NSD1: variants seen among roughly 807,000 people sequenced by gnomAD.
NSD1 encodes nuclear receptor binding SET domain protein 1.
In NSD1, 26 loss-of-function variants were observed where a neutral mutation model predicts 242.7. That is an observed-to-expected ratio of 0.11 (90% CI 0.08 to 0.15). The LOEUF is 0.15. NSD1 is among the 10% of genes least tolerant of loss of function. The pLI is 1.00. For missense variants in NSD1, 2,495 were observed against 3,272.8 expected (o/e 0.76, Z 5.80); for synonymous variants, 1,106 against 1,178.1 (o/e 0.94, Z 1.25).
At chr5:177,145,896 G>A (rs1757200791) in intron 2 of NSD1, among the ~76,000 whole-genome samples, 1 of 115,328 alleles carries the variant, frequency 8.7e-6, no homozygotes, top group South Asian at 3.0e-4. Context: ...CTAGAAGAGC[G>A]AAACTCCATC....
Position 177,135,350 on chromosome 5 carries a change from A to G in NSD1, c.247A>G (p.Asn83Asp), listed in dbSNP as rs1397963241. The G allele has an allele frequency of 1.9e-6, 3 of 1,610,802 alleles. No homozygotes were observed. Among genetic ancestry groups the G allele is most frequent in the African/African-American group, 2.7e-5 (2 of 74,856 alleles). The change falls in exon 2 of 23, where the codon AAT becomes GAT. Residue 83 changes from asparagine (N) to aspartate (D), a missense_variant. This residue lies in a region of NSD1 where 376 missense variants were observed against 367.4 expected (regional missense o/e 1.02). Coordinates refer to ENST00000439151, the MANE Select transcript of NSD1 (RefSeq NM_022455.5). ...ACTACAGGATTTGGCCTCCATGATC[A>G]ATGTAGAGTATTTAAATGGGTCTGC... Reference protein sequence around the residue: ...RRLQDLASMINVEYLNGSADG... With the variant: ...RRLQDLASMIDVEYLNGSADG...
Position 177,285,587 on chromosome 5 carries a change from A to AAT in NSD1, c.6151+1659_6151+1660insAT, listed in dbSNP as rs1439631800. On this transcript the variant is annotated intron_variant, in intron 20 of 22. Coordinates refer to ENST00000439151, the MANE Select transcript of NSD1 (RefSeq NM_022455.5). ...TCAAAAAAAAAAAAAAAAAAAAAAA[A>AAT]TTTGTATAAACGTTGTACATTTTGA... Among the ~76,000 whole-genome samples, 235 of 149,182 alleles carry AAT rather than the reference A, an allele frequency of 1.6e-3. 2 individuals are homozygous for AAT. The highest frequency in any genetic ancestry group is 5.5e-3 in the African/African-American group (218 of 39,912).
At chr5:177,275,878 G>A (rs970286968) in intron 17 of NSD1, among the ~76,000 whole-genome samples, 1 of 152,168 alleles carries the variant, frequency 6.6e-6, no homozygotes, top group African/African-American at 2.4e-5. Flanking sequence ...CTTAGATTTA[G>A]TCTGATGGAC....
chr5:177,254,375 C>T (rs1450654439), intron 12 of NSD1, among the ~76,000 whole-genome samples: 1 of 152,090 alleles, frequency 6.6e-6, no homozygotes, highest in Non-Finnish European at 1.5e-5. Flanking sequence ...TTGCTTAACC[C>T]AGTGTCACAA....
intron 14 of NSD1, chr5:177,265,505 G>A: frequency 1.5e-6 from 1 of 677,714 alleles, no homozygotes; most frequent in Non-Finnish European, 2.6e-6. Flanking sequence ...GAGAGGAAGG[G>A]GGAGCCCCAC....
chr5:177,202,421 C>A (rs1427975708), intron 3 of NSD1, among the ~76,000 whole-genome samples: 1 of 151,956 alleles, frequency 6.6e-6, no homozygotes, highest in Non-Finnish European at 1.5e-5. Flanking sequence ...GCTGTACTGC[C>A]AGGGTGGAGT....
chr5:177,229,614 A>C (rs1018680885), intron 5 of NSD1, among the ~76,000 whole-genome samples: 1 of 152,210 alleles, frequency 6.6e-6, no homozygotes. Context: ...TAGTAAGAGT[A>C]GGTGAATTCT....
At chr5:177,162,187 A>G (rs1758811576) in intron 2 of NSD1, among the ~76,000 whole-genome samples, 1 of 151,590 alleles carries the variant, frequency 6.6e-6, no homozygotes, top group Non-Finnish European at 1.5e-5. Flanking sequence ...AGTCCCAGCT[A>G]CTCGGGAGGC....
chr5:177,203,674 C>T (rs1357225809), intron 3 of NSD1, among the ~76,000 whole-genome samples: 1 of 151,962 alleles, frequency 6.6e-6, no homozygotes, highest in African/African-American at 2.4e-5. Context: ...TTTGCTGAAA[C>T]ATTTCTTCTT....
At chr5:177,257,228 C>CTTTTTTTTTTTTTTTTTTTTT in intron 13 of NSD1, 77 bp downstream of exon 13, 2 of 738,914 alleles carry the variant, frequency 2.7e-6, no homozygotes, top group Non-Finnish European at 4.2e-6. Flanking sequence ...TTTTTTCTTT[C>CTTTTTTTTTTTTTTTTTTTTT]TTTTTTTTTT....
chr5:177,218,520 AAC>A (rs1763965168), intron 5 of NSD1, among the ~76,000 whole-genome samples: 1 of 150,390 alleles, frequency 6.6e-6, no homozygotes, highest in Non-Finnish European at 1.5e-5. Context: ...TCTATTTTTG[AAC>A]CATCGTTGCA....
chr5:177,142,433 A>G (rs936424195), intron 2 of NSD1, among the ~76,000 whole-genome samples: 2 of 152,224 alleles, frequency 1.3e-5, no homozygotes, highest in African/African-American at 4.8e-5. Flanking sequence ...TGTATGCAGT[A>G]CTTTGGGAGT....
At chr5:177,212,271 C>G (rs2149850120) in intron 5 of NSD1, 76 bp downstream of exon 5, 1 of 1,451,596 alleles carries the variant, frequency 6.9e-7, no homozygotes, top group Non-Finnish European at 9.4e-7. Flanking sequence ...TGAAATTGGT[C>G]TGTTGTAATG....
At chr5:177,234,377 A>G (rs1424305277) in intron 5 of NSD1, among the ~76,000 whole-genome samples, 3 of 152,184 alleles carry the variant, frequency 2.0e-5, no homozygotes, top group Non-Finnish European at 4.4e-5. Context: ...GGACCAGAGC[A>G]GTGTTCATTC....
At position 177,276,323 on chromosome 5, in the gene NSD1, CT is replaced by C. The variant is rs770573165; in HGVS notation, c.5622+2552del. ...AAGTCATAAACACTGCTTCTGAAGT[CT>C]TTTTTTTTTTTTCCCCCTGAGACAG... On this transcript the variant is annotated intron_variant, in intron 17 of 22. Transcript: ENST00000439151. 7.6e-3 allele frequency among the ~76,000 whole-genome samples: 1,090 copies of C among 142,770 alleles called. 8 individuals are homozygous for C. Among genetic ancestry groups the C allele is most frequent in the African/African-American group, 0.018 (700 of 39,196 alleles). The allele number at this position is 142,770 out of a possible 152,430, so 93.7% of individuals were successfully genotyped here.
intron 3 of NSD1, among the ~76,000 whole-genome samples, chr5:177,203,538 C>G (rs1762651294): frequency 6.6e-6 from 1 of 152,126 alleles, no homozygotes; most frequent in Admixed American, 6.6e-5. Flanking sequence ...CTTACTATAT[C>G]TAAAATACCA....
chr5:177,204,408 C>T (rs1331677421), intron 4 of NSD1, 116 bp downstream of exon 4: 2 of 960,414 alleles, frequency 2.1e-6, no homozygotes, highest in African/African-American at 3.3e-5. Flanking sequence ...GATTGGAGTA[C>T]AGTGGTGCAA....
At chr5:177,193,780 G>T (rs1041201041) in intron 3 of NSD1, among the ~76,000 whole-genome samples, 1 of 151,988 alleles carries the variant, frequency 6.6e-6, no homozygotes, top group African/African-American at 2.4e-5. Context: ...TGTTGTTGTT[G>T]TTGTTTTGTT....
intron 12 of NSD1, among the ~76,000 whole-genome samples, chr5:177,255,007 T>C (rs1756318548): frequency 6.6e-6 from 1 of 152,050 alleles, no homozygotes; most frequent in Non-Finnish European, 1.5e-5. Flanking sequence ...GGTCACATCA[T>C]TGTTTAGATT....
Sources: gnomAD v4.1 joint callset for allele counts (sites outside exome capture counted in the v4.1 genomes callset) on GRCh38, gnomAD v4.1.1 for gene constraint, gnomAD v4.1.1 regional missense constraint, MANE v1.5 for transcripts, NCBI Gene and HGNC (gene_info 2026-07-23, HGNC 2026-07-21) for gene names.